The following EYS variants were observed in gnomAD, a reference collection of about 807,000 sequenced individuals.
The protein encoded by EYS is protein eyes shut homolog.
A neutral mutation model predicts 282.1 loss-of-function variants in EYS; 250 were observed. That is an observed-to-expected ratio of 0.89 (90% confidence interval 0.80 to 0.98). The LOEUF (loss-of-function observed/expected upper bound fraction) is 0.98, where lower values mean the gene tolerates loss of function less well. EYS is among the 50% of genes least tolerant of loss of function. The pLI is 0.00. For missense variants in EYS, 4,016 were observed against 3,709.0 expected (o/e 1.08, Z -2.15); for synonymous variants, 1,355 against 1,282.9 (o/e 1.06, Z -1.20).
In EYS at chr6:64,666,411, C is replaced by T. The variant is rs1251971682; in HGVS notation, c.3444-40166G>A. 2.0e-5 allele frequency among the ~76,000 whole-genome samples: 3 copies of T among 152,188 alleles called. No homozygotes were observed. The East Asian group carries it at 5.8e-4, about 29-fold the overall frequency. ...AGTCAAGACTCTCTGCTAATCCTGA[C>T]TTCATTTTGGGATCAATGCAATAAA... On this transcript the variant is annotated intron_variant, in intron 22 of 42. Coordinates refer to ENST00000503581, the MANE Select transcript of EYS (RefSeq NM_001142800.2).
At chr6:64,114,960 T>C (rs1773326895) in intron 31 of EYS, among the ~76,000 whole-genome samples, 1 of 152,128 alleles carries the variant, frequency 6.6e-6, no homozygotes, top group Non-Finnish European at 1.5e-5. Context: ...CCCCTGACCC[T>C]GGAGCTGCGG....
chr6:64,778,980 A>C (rs1205613726), intron 22 of EYS, among the ~76,000 whole-genome samples: 1 of 152,126 alleles, frequency 6.6e-6, no homozygotes, highest in East Asian at 1.9e-4. Flanking sequence ...AACACAAAAC[A>C]CTGACAACAC....
rs12529589 is a variant in EYS at position 63,908,987 on chromosome 6, G to A, written c.7056-44629C>T. 5.8e-4 allele frequency among the ~76,000 whole-genome samples: 88 copies of A among 151,996 alleles called. 2 individuals are homozygous for A. The highest frequency in any genetic ancestry group is 2.9e-3 in the Admixed American group (45 of 15,258). ...AAGGCTATTTTTTTTTTAAGGGGAA[G>A]CAGAATACAAGATGTGAACACTGGA... On this transcript the variant is annotated intron_variant, in intron 35 of 42. Transcript: ENST00000503581.
intron 28 of EYS, among the ~76,000 whole-genome samples, chr6:64,416,484 A>C (rs1006310208): frequency 2.0e-5 from 3 of 149,502 alleles, no homozygotes; most frequent in African/African-American, 7.3e-5. Flanking sequence ...GCATCTCTGC[A>C]TGAGTTTTAT....
chr6:65,021,872 T>G (rs1309706991), intron 13 of EYS, among the ~76,000 whole-genome samples: 1 of 152,168 alleles, frequency 6.6e-6, no homozygotes, highest in Non-Finnish European at 1.5e-5. Flanking sequence ...TAAGGAGAAC[T>G]GCTGAGCAAA....
At chr6:65,302,048 AT>A (rs572887076) in intron 11 of EYS, among the ~76,000 whole-genome samples, 79 of 152,144 alleles carry the variant, frequency 5.2e-4, no homozygotes, top group Non-Finnish European at 9.7e-4. Flanking sequence ...TGGAAGATGG[AT>A]TTTTTTTCAT....
intron 37 of EYS, among the ~76,000 whole-genome samples, chr6:63,801,253 A>G (rs924695596): frequency 3.3e-5 from 5 of 152,184 alleles, no homozygotes; most frequent in Non-Finnish European, 5.9e-5. Flanking sequence ...AGAAGCCAGG[A>G]GCAATGAGAA....
rs1476977830 is a variant in EYS at position 64,230,745 on chromosome 6, T to C, written c.6271A>G (p.Thr2091Ala). The change falls in exon 31 of 43, where the codon ACT becomes GCT. Residue 2091 changes from threonine to alanine, a missense_variant. Coordinates refer to ENST00000503581, the MANE Select transcript of EYS (RefSeq NM_001142800.2). ...DVTQGVDTMW[T>A]SVSPSVAAPS... ...GCTGCAACAGAGGGGCTGACAGAAG[T>C]CCACATGGTATCAACCCCTTGTGTC... The C allele has an allele frequency of 3.0e-5, 46 of 1,551,406 alleles. No homozygotes were observed. The highest frequency in any genetic ancestry group is 4.0e-5 in the Non-Finnish European group (46 of 1,146,904).
chr6:64,970,209 T>C (rs1184065431), intron 14 of EYS, among the ~76,000 whole-genome samples: 1 of 151,714 alleles, frequency 6.6e-6, no homozygotes, highest in Non-Finnish European at 1.5e-5. Flanking sequence ...ATGTAGATAC[T>C]AGTTTATCGT....
intron 12 of EYS, among the ~76,000 whole-genome samples, chr6:65,288,655 G>T (rs944718151): frequency 1.3e-5 from 2 of 151,020 alleles, no homozygotes; most frequent in African/African-American, 4.8e-5. Context: ...ACACTAGTTG[G>T]AATTTCACAA....
chr6:63,804,959 C>T (rs910527258), intron 37 of EYS, among the ~76,000 whole-genome samples: 1 of 151,998 alleles, frequency 6.6e-6, no homozygotes, highest in Non-Finnish European at 1.5e-5. Flanking sequence ...TAGAGTACCC[C>T]ATCCTAGCAG....
chr6:65,643,438 T>G (rs1767347438), intron 1 of EYS, among the ~76,000 whole-genome samples: 1 of 152,140 alleles, frequency 6.6e-6, no homozygotes, highest in African/African-American at 2.4e-5. Context: ...CCCGGTGGTC[T>G]TTCTCTAACC....
At chr6:65,330,929 C>T in intron 11 of EYS, 4 of 983,686 alleles carry the variant, frequency 4.1e-6, no homozygotes, top group Non-Finnish European at 4.8e-6. Context: ...CTAAAGAACC[C>T]TGTATGTTCA....
chr6:65,337,327 T>C (rs867902922), intron 10 of EYS, among the ~76,000 whole-genome samples: 1 of 151,502 alleles, frequency 6.6e-6, no homozygotes, highest in South Asian at 2.1e-4. Flanking sequence ...TGTATGTCTA[T>C]GTGTTTGTAA....
rs190956799 is a variant in EYS, at chr6:64,900,954, C to A, written c.2846+1159G>T. On this transcript the variant is annotated intron_variant, in intron 18 of 42. Transcript: ENST00000503581. ...GACACATGCACACGCATGTTTATTGCAGCACTATTAACAATAGCTAAGACT... is the reference window on the plus strand; with the variant it reads ...GACACATGCACACGCATGTTTATTGAAGCACTATTAACAATAGCTAAGACT... Among the ~76,000 whole-genome samples the A allele has an allele frequency of 3.0e-3, 450 of 152,046 alleles. 2 individuals carry two copies. The highest frequency in any genetic ancestry group is 0.01 in the African/African-American group (433 of 41,478).
chr6:64,686,546 C>T (rs984552627), intron 22 of EYS, among the ~76,000 whole-genome samples: 2 of 150,544 alleles, frequency 1.3e-5, no homozygotes, highest in Non-Finnish European at 3.0e-5. Context: ...TCGAGACCAT[C>T]CTGGTTAATG....
At chr6:64,331,751 C>T (rs2150390906) in intron 29 of EYS, among the ~76,000 whole-genome samples, 1 of 152,328 alleles carries the variant, frequency 6.6e-6, no homozygotes. Context: ...CAAAACAATC[C>T]ATGGCAGGGG....
At chr6:64,250,606 C>A (rs1001424192) in intron 30 of EYS, among the ~76,000 whole-genome samples, 18 of 152,172 alleles carry the variant, frequency 1.2e-4, no homozygotes, top group Non-Finnish European at 2.6e-4. Flanking sequence ...CATTCAAAAT[C>A]CAATAGCTTA....
chr6:65,185,075 C>A (rs72881758), intron 12 of EYS, among the ~76,000 whole-genome samples: 21,059 of 150,640 alleles, frequency 0.14, 1,798 homozygotes, highest in Non-Finnish European at 0.18. Flanking sequence ...CTGAATTGCT[C>A]ATAATTTCAA....
Sources: gnomAD v4.1 joint callset for allele counts (sites outside exome capture counted in the v4.1 genomes callset) on GRCh38, gnomAD v4.1.1 for gene constraint, MANE v1.5 for transcripts, NCBI Gene and HGNC (gene_info 2026-07-23, HGNC 2026-07-21) for gene names.